Variants in LGR5 observed in about 807,000 individuals in gnomAD.
LGR5 encodes leucine rich repeat containing G protein-coupled receptor 5, also known as leucine-rich repeat-containing G protein-coupled receptor 5.
Under a neutral mutation model 76.7 loss-of-function variants are expected in LGR5, and 54 were observed. That is an observed-to-expected ratio of 0.70 (90% CI 0.57 to 0.88). The LOEUF (loss-of-function observed/expected upper bound fraction) is 0.88, where lower values mean the gene tolerates loss of function less well. Ranked by LOEUF, LGR5 falls within the 40% of genes least tolerant of loss-of-function variation. The probability of loss-of-function intolerance (pLI) is 0.00; values close to 1 mark genes in which losing one functional copy is unlikely to be tolerated. For missense variants in LGR5, 1,078 were observed against 1,073.3 expected, an observed-to-expected ratio of 1.00 and a Z score of -0.06; for synonymous variants, 406 against 421.9, an observed-to-expected ratio of 0.96 and a Z score of 0.46.
chr12:71,489,921 A>C (rs1021062392), intron 1 of LGR5, among the ~76,000 whole-genome samples: 5 of 152,006 alleles, frequency 3.3e-5, no homozygotes. Context: ...GAAGAAGAAG[A>C]AGAAAATTAG....
At chr12:71,489,837 A>G (rs1207543690) in intron 1 of LGR5, among the ~76,000 whole-genome samples, 1 of 152,146 alleles carries the variant, frequency 6.6e-6, no homozygotes, top group Non-Finnish European at 1.5e-5. Context: ...CTGAGGTGGG[A>G]GTATCCCTTG....
chr12:71,503,346 A>C (rs1874699258), intron 1 of LGR5, among the ~76,000 whole-genome samples: 1 of 152,224 alleles, frequency 6.6e-6, no homozygotes, highest in African/African-American at 2.4e-5. Context: ...GTCTAGTCTT[A>C]GCTTAAGAAC....
chr12:71,578,353 C>A (rs910332281), intron 14 of LGR5, among the ~76,000 whole-genome samples: 5 of 152,154 alleles, frequency 3.3e-5, no homozygotes, highest in African/African-American at 9.7e-5. Flanking sequence ...CCCTTCCCCC[C>A]ACGCCAACTT....
At chr12:71,572,290 G>A (rs992250748) in intron 12 of LGR5, among the ~76,000 whole-genome samples, 27 of 152,114 alleles carry the variant, frequency 1.8e-4, no homozygotes, top group African/African-American at 5.8e-4. Context: ...CATCATGTTG[G>A]CCAGGCTGCT....
Position 71,578,896 on chromosome 12 carries a change from G to C in LGR5, c.1373G>C (p.Ser458Thr). Residue 458 changes from serine to threonine, a missense_variant, in exon 15 of 18, where the codon AGC (serine) becomes ACC (threonine). Transcript: ENST00000266674. ...LKLTGNHALQ[S>T]LISSENFPEL... ...TTAACAGGAAATCATGCCTTACAGA[G>C]CTTGATATCATCTGAAAACTTTCCA... 1 of 1,610,634 alleles carries C rather than the reference G, an allele frequency of 6.2e-7. No homozygotes were observed.
chr12:71,456,925 C>T (rs773385379), intron 1 of LGR5, among the ~76,000 whole-genome samples: 60 of 152,008 alleles, frequency 3.9e-4, no homozygotes, highest in Admixed American at 1.3e-4. Context: ...GTAACTCCCT[C>T]GTCCCACTTT....
intron 1 of LGR5, among the ~76,000 whole-genome samples, chr12:71,456,114 A>T (rs1872462935): frequency 6.6e-6 from 1 of 152,172 alleles, no homozygotes; most frequent in African/African-American, 2.4e-5. Context: ...GAGACCAGTT[A>T]TCACCTATAA....
intron 12 of LGR5, among the ~76,000 whole-genome samples, 157 bp from the exon 13 acceptor site, chr12:71,572,693 G>A (rs1190903455): frequency 6.6e-6 from 1 of 152,170 alleles, no homozygotes; most frequent in African/African-American, 2.4e-5. Context: ...AAATGGTAAT[G>A]TTCTTTTTTA....
chr12:71,537,438 G>A lies in LGR5; in HGVS notation c.428+2252G>A, dbSNP rs1299913486. Among the ~76,000 whole-genome samples, 2 of 151,968 alleles carry A rather than the reference G, an allele frequency of 1.3e-5. 1 individual carries two copies. Among genetic ancestry groups the A allele is most frequent in the African/African-American group, 4.8e-5 (2 of 41,348 alleles). On this transcript the variant is annotated intron_variant, in intron 4 of 17. Transcript: ENST00000266674. Reference sequence around the variant, plus strand: ...TTACAGTGAGCTATATCATGCCACTGCACTCCAGCCTGAGCTACAGAGCAC... The same window carrying A: ...TTACAGTGAGCTATATCATGCCACTACACTCCAGCCTGAGCTACAGAGCAC...
intron 3 of LGR5, among the ~76,000 whole-genome samples, chr12:71,534,784 T>C (rs1876499931): frequency 1.3e-5 from 2 of 152,352 alleles, no homozygotes; most frequent in South Asian, 2.1e-4. Context: ...ATTTTCTCCC[T>C]GTATTCCTTC....
At chr12:71,543,964 C>G (rs1255567100) in intron 4 of LGR5, among the ~76,000 whole-genome samples, 2 of 152,158 alleles carry the variant, frequency 1.3e-5, no homozygotes, top group Admixed American at 1.3e-4. Context: ...AAAAATAAAA[C>G]TGAAGAAGTT....
intron 5 of LGR5, among the ~76,000 whole-genome samples, chr12:71,556,275 A>C (rs1237116503): frequency 1.3e-5 from 2 of 152,028 alleles, no homozygotes; most frequent in Non-Finnish European, 2.9e-5. Flanking sequence ...CCCATGACAC[A>C]AGTTTACCTA....
chr12:71,463,209 C>A (rs1872742615), intron 1 of LGR5, among the ~76,000 whole-genome samples: 1 of 152,010 alleles, frequency 6.6e-6, no homozygotes, highest in South Asian at 2.1e-4. Context: ...TCCTGGGTAC[C>A]ACCTCCAGAA....
intron 1 of LGR5, among the ~76,000 whole-genome samples, chr12:71,482,093 G>GA (rs999273710): frequency 2.0e-5 from 3 of 151,976 alleles, no homozygotes; most frequent in Admixed American, 1.3e-4. Flanking sequence ...CTTTTGAAGG[G>GA]AAAAAAAGTC....
rs75452099 is a variant in LGR5, at chr12:71,517,984, C to T, written c.285-6422C>T. Among the ~76,000 whole-genome samples, 3 of 152,234 alleles carry T rather than the reference C, an allele frequency of 2.0e-5. No homozygotes were observed. The South Asian group carries it at 6.2e-4, about 32-fold the overall frequency. On this transcript the variant is annotated intron_variant, in intron 2 of 17. Coordinates refer to ENST00000266674, the MANE Select transcript of LGR5 (RefSeq NM_003667.4). ...CAAATCCCACCACTTCATGCCACCT[C>T]TGCCACTGCTACACTATCCCACCAT...
intron 1 of LGR5, among the ~76,000 whole-genome samples, chr12:71,452,679 A>T (rs1175857746): frequency 2.0e-5 from 3 of 152,200 alleles, no homozygotes; most frequent in Admixed American, 2.0e-4. Flanking sequence ...AAACAGTAAA[A>T]TAGTTGTTAC....
intron 5 of LGR5, among the ~76,000 whole-genome samples, chr12:71,553,805 C>T (rs574897237): frequency 3.9e-5 from 6 of 152,264 alleles, no homozygotes; most frequent in Admixed American, 1.3e-4. Flanking sequence ...AAGAGTAACA[C>T]ACAAGGCCGG....
intron 1 of LGR5, among the ~76,000 whole-genome samples, chr12:71,499,067 T>C (rs1592492865): frequency 6.6e-6 from 1 of 152,266 alleles, no homozygotes; most frequent in East Asian, 1.9e-4. Context: ...TATTTTCTGG[T>C]AGCACTCAGT....
chr12:71,546,568 C>T (rs975932735), intron 4 of LGR5, among the ~76,000 whole-genome samples: 13 of 152,034 alleles, frequency 8.6e-5, no homozygotes, highest in Non-Finnish European at 1.6e-4. Flanking sequence ...TTCTGCCAGG[C>T]CCACATATTT....
Sources: allele counts gnomAD v4.1 joint callset (sites outside exome capture counted in the v4.1 genomes callset), GRCh38; gene constraint gnomAD v4.1.1; transcripts MANE v1.5; gene names NCBI Gene and HGNC (gene_info 2026-07-23, HGNC 2026-07-21).